MAGI2: variants seen among roughly 807,000 people sequenced by gnomAD.
MAGI2 encodes the protein membrane-associated guanylate kinase, WW and PDZ domain-containing protein 2.
Under a neutral mutation model 133.3 loss-of-function variants are expected in MAGI2, and 35 were observed. The ratio of observed to expected loss-of-function variants is 0.26; its 90% CI spans 0.20 to 0.35. The LOEUF is 0.35. MAGI2 is among the 10% of genes least tolerant of loss of function. MAGI2 has a pLI of 1.00. For missense variants in MAGI2, 1,636 were observed against 1,863.4 expected (o/e 0.88, Z 2.25); for synonymous variants, 729 against 710.6 (o/e 1.03, Z -0.41).
intron 1 of MAGI2, chr7:79,414,051 G>A (rs1563201469): frequency 6.6e-6 from 1 of 152,120 alleles, no homozygotes; most frequent in Non-Finnish European, 1.5e-5. Context: ...CATCAGAGGA[G>A]AGAATGGCTA....
chr7:78,719,782 A>G (rs996851407), intron 2 of MAGI2, among the ~76,000 whole-genome samples: 1 of 152,194 alleles, frequency 6.6e-6, no homozygotes, highest in African/African-American at 2.4e-5. Flanking sequence ...CTCTCCAAAC[A>G]TACCTTTCCT....
chr7:78,858,840 T>C (rs1424423313), intron 2 of MAGI2, among the ~76,000 whole-genome samples: 1 of 152,192 alleles, frequency 6.6e-6, no homozygotes, highest in Admixed American at 6.5e-5. Flanking sequence ...AGTGGGGTGT[T>C]AAAGTCTCCC....
At chr7:79,290,370 A>G (rs532277984) in intron 1 of MAGI2, among the ~76,000 whole-genome samples, 21 of 145,412 alleles carry the variant, frequency 1.4e-4, no homozygotes, top group African/African-American at 5.2e-4. Context: ...ATATATATGT[A>G]CTATGTACAT....
At chr7:78,934,553 C>T (rs1800376639) in intron 2 of MAGI2, among the ~76,000 whole-genome samples, 2 of 152,070 alleles carry the variant, frequency 1.3e-5, no homozygotes, top group African/African-American at 2.4e-5. Context: ...ACAGACTGTC[C>T]ACATAGGTGG....
chr7:78,984,835 T>C (rs182251656), intron 2 of MAGI2, among the ~76,000 whole-genome samples: 11 of 152,176 alleles, frequency 7.2e-5, no homozygotes, highest in Admixed American at 5.9e-4. Flanking sequence ...AACATAAGTT[T>C]CACGAGGATA....
intron 10 of MAGI2, among the ~76,000 whole-genome samples, chr7:78,226,710 A>G (rs1789425543): frequency 6.6e-6 from 1 of 152,200 alleles, no homozygotes; most frequent in Non-Finnish European, 1.5e-5. Context: ...AGGTAAAACA[A>G]TTTTAAAATG....
At chr7:78,121,366 G>C (rs887598406) in intron 20 of MAGI2, among the ~76,000 whole-genome samples, 3 of 151,826 alleles carry the variant, frequency 2.0e-5, no homozygotes, top group Non-Finnish European at 4.4e-5. Flanking sequence ...TGATGAAAAA[G>C]ATCACCAATA....
At chr7:78,069,947 C>T (rs2868836) in intron 21 of MAGI2, among the ~76,000 whole-genome samples, 42,817 of 151,416 alleles carry the variant, frequency 0.28, 6,513 homozygotes, top group East Asian at 0.49. Flanking sequence ...CCAAGATGTA[C>T]ATGGGTGCTC....
chr7:78,886,411 T>G (rs143122537), intron 2 of MAGI2, among the ~76,000 whole-genome samples: 3,983 of 152,260 alleles, frequency 0.026, 75 homozygotes, highest in Middle Eastern at 0.051. Flanking sequence ...AATCCATGGA[T>G]GTAATAAGCA....
At chr7:78,731,016 T>G (rs1379000042) in intron 2 of MAGI2, among the ~76,000 whole-genome samples, 1 of 152,124 alleles carries the variant, frequency 6.6e-6, no homozygotes, top group Admixed American at 6.5e-5. Context: ...AAGGCCAACT[T>G]TTCTTGTGAG....
chr7:78,653,608 G>C (rs570305091), intron 2 of MAGI2, among the ~76,000 whole-genome samples: 3 of 151,970 alleles, frequency 2.0e-5, no homozygotes, highest in Admixed American at 6.6e-5. Flanking sequence ...CACAGGGAGG[G>C]GGACATCACA....
chr7:78,134,941 C>T, intron 17 of MAGI2, 80 bp downstream of exon 17: 1 of 1,318,408 alleles, frequency 7.6e-7, no homozygotes, highest in Non-Finnish European at 1.1e-6. Context: ...ACTCCGCGAC[C>T]CTGGCGGGCA....
In MAGI2 at chr7:78,655,980, C is replaced by CAAA. The variant is rs774125665; in HGVS notation, c.419-28744_419-28742dup. On this transcript the variant is annotated intron_variant, in intron 2 of 21. Coordinates refer to ENST00000354212, the MANE Select transcript of MAGI2 (RefSeq NM_012301.4). ...TGGGCGACAGAGCAAGACTCCGTCT[C>CAAA]AAAAAAAAAAAAAAAAAGAAAAAGA... is the stretch of plus-strand genomic sequence containing the variant. Among the ~76,000 whole-genome samples, 325 of 60,770 alleles carry CAAA rather than the reference C, an allele frequency of 5.3e-3. 9 individuals carry two copies. The highest frequency in any genetic ancestry group is 0.018 in the African/African-American group (262 of 14,424). The allele number at this position is 60,770 out of a possible 152,430, so 39.9% of individuals were successfully genotyped here. A position where few individuals can be genotyped will look rare whatever the true frequency, so the allele number is the denominator to read the frequency against.
intron 1 of MAGI2, among the ~76,000 whole-genome samples, chr7:79,190,813 T>A (rs1585161436): frequency 6.6e-6 from 1 of 151,950 alleles, no homozygotes; most frequent in South Asian, 2.1e-4. Context: ...CTAGTCTAAT[T>A]TTTTTCTCCC....
intron 21 of MAGI2, among the ~76,000 whole-genome samples, chr7:78,027,232 A>T (rs957173483): frequency 2.0e-5 from 3 of 152,234 alleles, no homozygotes; most frequent in Non-Finnish European, 4.4e-5. Context: ...TGTCAGAAGC[A>T]GGTCCATCGT....
At chr7:78,060,246 C>CT (rs1813091270) in intron 21 of MAGI2, among the ~76,000 whole-genome samples, 2 of 59,320 alleles carry the variant, frequency 3.4e-5, no homozygotes, top group African/African-American at 1.3e-4. Flanking sequence ...CAAAAGGGAC[C>CT]CCCCCCCCTC....
intron 9 of MAGI2, among the ~76,000 whole-genome samples, chr7:78,298,018 G>A (rs921096453): frequency 3.5e-4 from 53 of 149,524 alleles, no homozygotes; most frequent in Non-Finnish European, 6.1e-4. Context: ...AAAAAAAAAA[G>A]ATTAACATTA....
chr7:78,686,192 A>G (rs1816299459), intron 2 of MAGI2, among the ~76,000 whole-genome samples: 1 of 151,598 alleles, frequency 6.6e-6, no homozygotes, highest in South Asian at 2.1e-4. Flanking sequence ...CTTTTCTTTC[A>G]TTGTCTCCTC....
chr7:79,139,476 G>A (rs979365334), intron 1 of MAGI2, among the ~76,000 whole-genome samples: 1 of 152,164 alleles, frequency 6.6e-6, no homozygotes, highest in Admixed American at 6.5e-5. Context: ...AGGGAGCTAC[G>A]ACTCAAGCCA....
Sources: gnomAD v4.1 joint callset for allele counts (sites outside exome capture counted in the v4.1 genomes callset) on GRCh38, gnomAD v4.1.1 for gene constraint, MANE v1.5 for transcripts, NCBI Gene and HGNC (gene_info 2026-07-23, HGNC 2026-07-21) for gene names.